Variants in TRPC4AP observed in about 807,000 individuals in gnomAD.
TRPC4AP encodes the protein short transient receptor potential channel 4-associated protein.
A neutral mutation model predicts 99.0 loss-of-function variants in TRPC4AP; 45 were observed. The observed-to-expected ratio is 0.45, with a 90% CI of 0.36 to 0.58. The LOEUF (loss-of-function observed/expected upper bound fraction) is 0.58, where lower values mean the gene tolerates loss of function less well. TRPC4AP is among the 20% of genes least tolerant of loss of function. The pLI is 0.00. For missense variants in TRPC4AP, 879 were observed against 985.3 expected (o/e 0.89, Z 1.44); for synonymous variants, 408 against 385.8 (o/e 1.06, Z -0.67).
At chr20:35,030,879 G>A (rs1451096210) in intron 8 of TRPC4AP, among the ~76,000 whole-genome samples, 1 of 152,160 alleles carries the variant, frequency 6.6e-6, no homozygotes, top group Non-Finnish European at 1.5e-5. Context: ...TGTTTTTCAT[G>A]TGGAGTCAAA....
At chr20:35,036,266 A>C (rs771710742) in intron 7 of TRPC4AP, among the ~76,000 whole-genome samples, 2 of 152,218 alleles carry the variant, frequency 1.3e-5, no homozygotes, top group Non-Finnish European at 2.9e-5. Context: ...TCTCCCTGGA[A>C]GGACAGAAAA....
At chr20:35,061,642 G>A (rs1263980656) in intron 3 of TRPC4AP, among the ~76,000 whole-genome samples, 1 of 152,182 alleles carries the variant, frequency 6.6e-6, no homozygotes, top group Non-Finnish European at 1.5e-5. Flanking sequence ...GTGGTGCTGT[G>A]ACAACTGGAT....
rs1479270980 is a variant in TRPC4AP, at chr20:35,024,854, A to AAAAAAAAAT, written c.1052-3499_1052-3498insATTTTTTTT. On this transcript the variant is annotated intron_variant, in intron 8 of 18. Transcript: ENST00000252015. ...AAAAAAAAAAAAAAAAAAAAAAAAA[A>AAAAAAAAAT]ATTCTGTTTATTCATTAATCAGGTG... Among the ~76,000 whole-genome samples, 12 of 89,478 alleles carry AAAAAAAAAT rather than the reference A, an allele frequency of 1.3e-4. 3 individuals carry two copies. Among genetic ancestry groups the AAAAAAAAAT allele is most frequent in the Non-Finnish European group, 2.3e-4 (10 of 43,686 alleles). 58.7% of individuals were successfully genotyped at this position (89,478 alleles called of 152,430 possible).
intron 14 of TRPC4AP, among the ~76,000 whole-genome samples, chr20:35,007,271 T>C (rs1206116107): frequency 2.6e-5 from 4 of 152,230 alleles, no homozygotes; most frequent in African/African-American, 7.2e-5. Context: ...AATTAACTTT[T>C]AGTACAAAAT....
At chr20:35,035,634 C>T (rs6088686) in intron 7 of TRPC4AP, among the ~76,000 whole-genome samples, 28,141 of 152,004 alleles carry the variant, frequency 0.19, 2,690 homozygotes, top group Middle Eastern at 0.34. Flanking sequence ...TCATATTACA[C>T]GAGAATATCT....
chr20:35,031,500 T>C (rs1251016145), intron 8 of TRPC4AP, among the ~76,000 whole-genome samples: 2 of 148,150 alleles, frequency 1.3e-5, no homozygotes, highest in East Asian at 2.0e-4. Flanking sequence ...CTTCCTAAAG[T>C]GCAGGGATTA....
At chr20:35,040,574 T>C (rs1296865860) in intron 7 of TRPC4AP, among the ~76,000 whole-genome samples, 5 of 152,116 alleles carry the variant, frequency 3.3e-5, no homozygotes, top group Admixed American at 3.3e-4. Flanking sequence ...GCTTCTCAGG[T>C]TCTCCAGCTT....
intron 3 of TRPC4AP, among the ~76,000 whole-genome samples, chr20:35,067,398 C>G (rs1348869926): frequency 6.6e-6 from 1 of 152,136 alleles, no homozygotes; most frequent in African/African-American, 2.4e-5. Flanking sequence ...AAACTGAAAC[C>G]CTTATACACT....
At chr20:35,086,766 G>A (rs1002157876) in intron 1 of TRPC4AP, among the ~76,000 whole-genome samples, 3 of 151,902 alleles carry the variant, frequency 2.0e-5, no homozygotes, top group African/African-American at 7.3e-5. Context: ...TGGGCACGGC[G>A]ACTCACATCT....
chr20:35,090,156 G>A (rs1327050625), intron 1 of TRPC4AP, among the ~76,000 whole-genome samples: 5 of 145,212 alleles, frequency 3.4e-5, no homozygotes, highest in African/African-American at 7.7e-5. Context: ...AGAGAGGAGC[G>A]GAAGGGCACA....
intron 8 of TRPC4AP, among the ~76,000 whole-genome samples, chr20:35,022,665 A>G (rs1212223384): frequency 1.3e-5 from 2 of 152,102 alleles, no homozygotes; most frequent in African/African-American, 4.8e-5. Flanking sequence ...TATCAGATAT[A>G]TTCAGGTAAG....
intron 17 of TRPC4AP, 49 bp downstream of exon 17, chr20:35,004,409 G>T: frequency 6.6e-7 from 1 of 1,516,206 alleles, no homozygotes; most frequent in Non-Finnish European, 9.0e-7. Flanking sequence ...GACAAAGGAA[G>T]TGGTTTCCAA....
At chr20:35,076,928 G>A (rs555305588) in intron 2 of TRPC4AP, among the ~76,000 whole-genome samples, 15 of 152,236 alleles carry the variant, frequency 9.9e-5, no homozygotes, top group South Asian at 2.1e-4. Flanking sequence ...CGAGCTTCCC[G>A]GCCGCTTTGT....
intron 14 of TRPC4AP, 69 bp from the exon 15 acceptor site, chr20:35,006,644 G>C: frequency 6.4e-7 from 1 of 1,569,228 alleles, no homozygotes; most frequent in Non-Finnish European, 8.7e-7. Context: ...ATGGAGCTCA[G>C]ACCATGCATT....
At chr20:35,086,765 C>A (rs993264648) in intron 1 of TRPC4AP, among the ~76,000 whole-genome samples, 2 of 151,788 alleles carry the variant, frequency 1.3e-5, no homozygotes, top group African/African-American at 4.8e-5. Flanking sequence ...CTGGGCACGG[C>A]GACTCACATC....
intron 16 of TRPC4AP, among the ~76,000 whole-genome samples, chr20:35,004,926 C>T (rs930852423): frequency 7.9e-5 from 12 of 152,160 alleles, no homozygotes; most frequent in East Asian, 1.9e-4. Context: ...AGAAAAACAA[C>T]GCAAAAGTTC....
chr20:35,076,732 G>T (rs2084489913), intron 2 of TRPC4AP, among the ~76,000 whole-genome samples: 1 of 152,216 alleles, frequency 6.6e-6, no homozygotes, highest in South Asian at 2.1e-4. Flanking sequence ...TGAGGAGGCA[G>T]TCTGTCTGTT....
At chr20:35,045,527 C>T (rs190758616) in intron 6 of TRPC4AP, among the ~76,000 whole-genome samples, 298 of 152,176 alleles carry the variant, frequency 2.0e-3, no homozygotes, top group African/African-American at 7.0e-3. Flanking sequence ...CGTGTCATTA[C>T]ACCTGGCTAC....
In TRPC4AP at chr20:35,016,070, T is replaced by G. The variant is rs763587461; in HGVS notation, c.1288A>C (p.Arg430=). Residue 430 remains arginine, a synonymous_variant, in exon 10 of 19, where the codon AGG becomes CGG. Transcript: ENST00000252015. ...ACAAGGGCAGATGCTGAATGCTTCC[T>G]CCAAATCAGTTTGTCAAACAAATTA... ...LNNLFDKLIW[R]KHSASALVLH... 2.7e-5 allele frequency: 43 copies of G among 1,614,176 alleles called. No individual in the cohort carries two copies. Among genetic ancestry groups the G allele is most frequent in the Non-Finnish European group, 3.6e-5 (43 of 1,180,046 alleles).
Sources: allele counts gnomAD v4.1 joint callset (sites outside exome capture counted in the v4.1 genomes callset), GRCh38; gene constraint gnomAD v4.1.1; transcripts MANE v1.5; gene names NCBI Gene and HGNC (gene_info 2026-07-23, HGNC 2026-07-21).